The following KCNH7 variants were observed in gnomAD, a reference collection of about 807,000 sequenced individuals.
KCNH7 encodes the protein potassium voltage-gated channel subfamily H member 7.
A neutral mutation model predicts 120.8 loss-of-function variants in KCNH7; 49 were observed. That is an observed-to-expected ratio of 0.41 (90% confidence interval 0.32 to 0.51). KCNH7 has a LOEUF of 0.51. Among genes scored for constraint, KCNH7 ranks in the 20% least tolerant of loss-of-function variants. KCNH7 has a pLI of 0.38. For missense variants in KCNH7, 1,097 were observed against 1,446.6 expected (o/e 0.76, Z 3.92); for synonymous variants, 547 against 516.1 (o/e 1.06, Z -0.81).
chr2:162,717,346 A>G (rs1302150290), intron 2 of KCNH7, among the ~76,000 whole-genome samples: 2 of 152,088 alleles, frequency 1.3e-5, no homozygotes, highest in African/African-American at 4.8e-5. Flanking sequence ...TAAATTGTAT[A>G]CAGATAATAT....
chr2:162,541,080 G>A (rs1215080330), intron 2 of KCNH7, among the ~76,000 whole-genome samples: 4 of 152,090 alleles, frequency 2.6e-5, no homozygotes, highest in Admixed American at 6.6e-5. Context: ...GAAGAAGGTG[G>A]CTTTTGGGAT....
At chr2:162,603,579 C>A (rs181265088) in intron 2 of KCNH7, among the ~76,000 whole-genome samples, 1 of 152,198 alleles carries the variant, frequency 6.6e-6, no homozygotes, top group Non-Finnish European at 1.5e-5. Context: ...TGGTGGCACA[C>A]ACCTCTTATC....
intron 2 of KCNH7, among the ~76,000 whole-genome samples, chr2:162,825,624 C>A (rs1292718230): frequency 1.3e-5 from 2 of 151,974 alleles, no homozygotes; most frequent in African/African-American, 2.4e-5. Context: ...GTTGAACAGA[C>A]TTTTGGTACA....
chr2:162,615,986 A>G (rs1683127500), intron 2 of KCNH7, among the ~76,000 whole-genome samples: 1 of 152,218 alleles, frequency 6.6e-6, no homozygotes, highest in Admixed American at 6.5e-5. Context: ...AGATAGGAAA[A>G]TTGCTGAGAT....
intron 2 of KCNH7, among the ~76,000 whole-genome samples, chr2:162,712,340 C>T (rs1298675212): frequency 6.6e-6 from 1 of 152,000 alleles, no homozygotes; most frequent in African/African-American, 2.4e-5. Context: ...TTTACTTTAT[C>T]ACCAGCTCCA....
In KCNH7 at chr2:162,838,572, G is replaced by T; in HGVS notation, c.-54C>A. 1 of 1,465,136 alleles carries T rather than the reference G, an allele frequency of 6.8e-7. No homozygotes were observed. Among genetic ancestry groups the T allele is most frequent in the Non-Finnish European group, 9.5e-7 (1 of 1,055,802 alleles). 90.8% of individuals were successfully genotyped at this position (1,465,136 alleles called of 1,614,324 possible). On this transcript the variant is annotated 5_prime_UTR_variant, in exon 1 of 16. Coordinates refer to ENST00000332142, the MANE Select transcript of KCNH7 (RefSeq NM_033272.4). The stretch of plus-strand genomic sequence containing the variant: ...CCCCGGAGCTCTGGAGTTCTCCCGG[G>T]ATCTCTCCTCGGCTAGAGCCCAGGC...
chr2:162,760,639 C>T (rs1025505621), intron 2 of KCNH7, among the ~76,000 whole-genome samples: 1 of 152,028 alleles, frequency 6.6e-6, no homozygotes, highest in Non-Finnish European at 1.5e-5. Context: ...GAGCCATATA[C>T]TAGTATTCTT....
At chr2:162,577,291 GTCTATCTA>G (rs201620270) in intron 2 of KCNH7, among the ~76,000 whole-genome samples, 75 of 127,438 alleles carry the variant, frequency 5.9e-4, no homozygotes, top group Middle Eastern at 4.3e-3. Context: ...AGATCTATCT[GTCTATCTA>G]TCTATCTATC....
chr2:162,617,029 T>C (rs577335356), intron 2 of KCNH7, among the ~76,000 whole-genome samples: 13 of 152,174 alleles, frequency 8.5e-5, no homozygotes, highest in African/African-American at 2.9e-4. Flanking sequence ...CATCAAATCA[T>C]GTCATAGACC....
intron 2 of KCNH7, among the ~76,000 whole-genome samples, chr2:162,616,321 T>C (rs1315334484): frequency 1.3e-5 from 2 of 152,180 alleles, no homozygotes; most frequent in Non-Finnish European, 2.9e-5. Flanking sequence ...ACACTGGGTT[T>C]TGGGGAGATG....
intron 2 of KCNH7, among the ~76,000 whole-genome samples, chr2:162,668,925 G>A (rs574509075): frequency 1.3e-5 from 2 of 152,214 alleles, no homozygotes; most frequent in South Asian, 4.1e-4. Context: ...TGTAATACTT[G>A]AAATTAAAAA....
At chr2:162,539,919 T>G (rs1037314114) in intron 2 of KCNH7, among the ~76,000 whole-genome samples, 1 of 152,110 alleles carries the variant, frequency 6.6e-6, no homozygotes, top group African/African-American at 2.4e-5. Flanking sequence ...CAGAAATATT[T>G]TAGCTTGGAT....
chr2:162,721,683 C>A (rs1028310126), intron 2 of KCNH7, among the ~76,000 whole-genome samples: 13 of 152,162 alleles, frequency 8.5e-5, no homozygotes, highest in Middle Eastern at 3.4e-3. Flanking sequence ...TATTTTGTAT[C>A]TCAAGTGCTC....
intron 5 of KCNH7, among the ~76,000 whole-genome samples, 174 bp from the exon 6 acceptor site, chr2:162,504,831 T>C (rs1487042453): frequency 6.6e-6 from 1 of 151,970 alleles, no homozygotes; most frequent in African/African-American, 2.4e-5. Context: ...CCACATGGAA[T>C]GGCATGTGAG....
rs16846984 is a variant in KCNH7, at chr2:162,606,743, T to C, written c.308-69663A>G. 5.2e-3 allele frequency among the ~76,000 whole-genome samples: 795 copies of C among 152,296 alleles called. 10 individuals carry two copies. The highest frequency in any genetic ancestry group is 0.018 in the African/African-American group (758 of 41,570). ...GGTTCCAAAGCAAGCAAACAAAATA[T>C]CTTGAGAAGAAATGTGACAAGATCA... On this transcript the variant is annotated intron_variant, in intron 2 of 15. Transcript: ENST00000332142.
intron 5 of KCNH7, 94 bp from the exon 6 acceptor site, chr2:162,504,751 T>C (rs1690812264): frequency 1.3e-6 from 1 of 777,790 alleles, no homozygotes; most frequent in South Asian, 1.7e-5. Context: ...CTGACCAATA[T>C]GATCCTGATT....
chr2:162,720,774 G>A (rs768964516), intron 2 of KCNH7, among the ~76,000 whole-genome samples: 14 of 152,068 alleles, frequency 9.2e-5, no homozygotes, highest in Admixed American at 3.9e-4. Flanking sequence ...AGCAATTGTG[G>A]TAGGTGTAGA....
At chr2:162,792,319 C>G (rs1369760978) in intron 2 of KCNH7, among the ~76,000 whole-genome samples, 1 of 152,002 alleles carries the variant, frequency 6.6e-6, no homozygotes, top group African/African-American at 2.4e-5. Context: ...GGAGGAGTCC[C>G]TCCTCCTCAA....
intron 2 of KCNH7, among the ~76,000 whole-genome samples, chr2:162,585,118 G>A (rs1693985468): frequency 6.6e-6 from 1 of 151,970 alleles, no homozygotes; most frequent in Non-Finnish European, 1.5e-5. Context: ...TGATGTGGAT[G>A]GAACTGCTGG....
Sources: gnomAD v4.1 joint callset for allele counts (sites outside exome capture counted in the v4.1 genomes callset) on GRCh38, gnomAD v4.1.1 for gene constraint, MANE v1.5 for transcripts, NCBI Gene and HGNC (gene_info 2026-07-23, HGNC 2026-07-21) for gene names.